Variants in TMC1 observed in about 807,000 individuals in gnomAD.
TMC1 encodes transmembrane channel-like protein 1.
Under a neutral mutation model 105.8 loss-of-function variants are expected in TMC1, and 84 were observed. That is an observed-to-expected ratio of 0.79 (90% confidence interval 0.67 to 0.95). TMC1 has a LOEUF of 0.95. Among genes scored for constraint, TMC1 ranks in the 40% least tolerant of loss-of-function variants. TMC1 has a pLI of 0.00. For missense variants in TMC1, 817 were observed against 914.1 expected (o/e 0.89, Z 1.37); for synonymous variants, 315 against 311.5 (o/e 1.01, Z -0.12).
In TMC1 at chr9:72,719,234, C is replaced by T. The variant is rs115524924; in HGVS notation, c.362+18591C>T. Among the ~76,000 whole-genome samples the T allele has an allele frequency of 3.3e-3, 500 of 152,296 alleles. 3 individuals carry two copies. The highest frequency in any genetic ancestry group is 0.011 in the African/African-American group (464 of 41,564). ...ACTTCACATTTGGTTGGAATCGTTA[C>T]AGAGTTCAGCTGGAGGTTTCCTTCT... On this transcript the variant is annotated intron_variant, in intron 8 of 23. Transcript: ENST00000297784.
chr9:72,833,332 C>T (rs1365393663), intron 23 of TMC1, among the ~76,000 whole-genome samples: 1 of 152,084 alleles, frequency 6.6e-6, no homozygotes, highest in African/African-American at 2.4e-5. Context: ...CATTTAATTT[C>T]CAAATCTCTG....
intron 8 of TMC1, among the ~76,000 whole-genome samples, chr9:72,716,170 G>T (rs1826915474): frequency 6.6e-6 from 1 of 152,232 alleles, no homozygotes; most frequent in Non-Finnish European, 1.5e-5. Context: ...ATACCAGCCA[G>T]AGCTCTCCTG....
intron 4 of TMC1, among the ~76,000 whole-genome samples, chr9:72,647,001 G>A (rs1825723952): frequency 6.6e-6 from 1 of 151,874 alleles, no homozygotes; most frequent in East Asian, 1.9e-4. Context: ...AATTAGCCCG[G>A]TGTGGTGGCG....
intron 13 of TMC1, among the ~76,000 whole-genome samples, chr9:72,783,168 A>G (rs1338302546): frequency 1.3e-5 from 2 of 152,080 alleles, no homozygotes; most frequent in Non-Finnish European, 2.9e-5. Context: ...ATATATATAT[A>G]TGGGAGCTTA....
At chr9:72,570,417 A>AC (rs1249350344) in intron 1 of TMC1, among the ~76,000 whole-genome samples, 1 of 151,738 alleles carries the variant, frequency 6.6e-6, no homozygotes, top group East Asian at 1.9e-4. Flanking sequence ...AGAAAAAAAA[A>AC]CTCTGAAATA....
intron 7 of TMC1, among the ~76,000 whole-genome samples, chr9:72,698,286 T>C (rs1826585931): frequency 6.6e-6 from 1 of 152,202 alleles, no homozygotes; most frequent in Non-Finnish European, 1.5e-5. Flanking sequence ...GAAGTGTTAT[T>C]TTAAAGGGTT....
chr9:72,600,144 A>T (rs1824783361), intron 2 of TMC1, among the ~76,000 whole-genome samples: 1 of 152,220 alleles, frequency 6.6e-6, no homozygotes, highest in Admixed American at 6.5e-5. Flanking sequence ...GCATGATTAC[A>T]AGTGCACTTT....
At chr9:72,701,442 G>A (rs1423066030) in intron 8 of TMC1, among the ~76,000 whole-genome samples, 1 of 152,150 alleles carries the variant, frequency 6.6e-6, no homozygotes, top group African/African-American at 2.4e-5. Flanking sequence ...AGGAGGAAAG[G>A]GCAGGGAAAA....
intron 19 of TMC1, among the ~76,000 whole-genome samples, chr9:72,819,896 A>G (rs1336587243): frequency 6.6e-6 from 1 of 152,198 alleles, no homozygotes; most frequent in Non-Finnish European, 1.5e-5. Flanking sequence ...ATAAATTGCT[A>G]TTTATATTGA....
chr9:72,830,554 A>C, intron 22 of TMC1, 25 bp downstream of exon 22: 1 of 1,605,554 alleles, frequency 6.2e-7, no homozygotes, highest in Non-Finnish European at 8.5e-7. Context: ...ATTTCATAGA[A>C]ATATTATCTT....
intron 8 of TMC1, among the ~76,000 whole-genome samples, chr9:72,703,002 G>A (rs1247587006): frequency 2.0e-5 from 3 of 151,912 alleles, no homozygotes; most frequent in Non-Finnish European, 4.4e-5. Flanking sequence ...TGGCCCACAT[G>A]TGTTTTGTTT....
At chr9:72,829,538 A>C (rs1047217413) in intron 21 of TMC1, among the ~76,000 whole-genome samples, 5 of 152,100 alleles carry the variant, frequency 3.3e-5, no homozygotes, top group Admixed American at 3.3e-4. Flanking sequence ...TTGAGCACCT[A>C]TTTCATGCCA....
chr9:72,806,480 C>A (rs1420978624), intron 18 of TMC1, among the ~76,000 whole-genome samples: 1 of 150,598 alleles, frequency 6.6e-6, no homozygotes, highest in African/African-American at 2.5e-5. Flanking sequence ...GGCTGCCGGG[C>A]GGAGAGGCTC....
intron 8 of TMC1, among the ~76,000 whole-genome samples, chr9:72,708,673 T>G (rs1826784974): frequency 6.6e-6 from 1 of 151,992 alleles, no homozygotes; most frequent in South Asian, 2.1e-4. Context: ...TTTGGAGGAG[T>G]CTTCAGGGTT....
rs1828220524 is a variant in TMC1 at position 72,789,169 on chromosome 9, A to G, written c.1076A>G (p.His359Arg). 1 of 1,613,500 alleles carries G rather than the reference A, an allele frequency of 6.2e-7. No homozygotes were observed. Among genetic ancestry groups the G allele is most frequent in the East Asian group, 2.2e-5 (1 of 44,866 alleles). The change falls in exon 15 of 24, where the codon CAC becomes CGC. Residue 359 changes from histidine (H) to arginine (R), a missense_variant. Coordinates refer to ENST00000297784, the MANE Select transcript of TMC1 (RefSeq NM_138691.3). ...GCAGCCCAAGTAGAAGAAAACGTCC[A>G]CTTGATCAGATTCCTGAGGTTTCTG... ...EKAAQVEENV[H>R]LIRFLRFLAN...
chr9:72,539,249 A>AAAAC (rs1419703949), intron 1 of TMC1, among the ~76,000 whole-genome samples: 1 of 151,892 alleles, frequency 6.6e-6, no homozygotes. Flanking sequence ...CAACAACAAA[A>AAAAC]AAACAAATCA....
intron 8 of TMC1, among the ~76,000 whole-genome samples, chr9:72,730,009 C>A (rs1827182739): frequency 1.3e-5 from 2 of 152,122 alleles, no homozygotes; most frequent in Non-Finnish European, 2.9e-5. Flanking sequence ...ATCTCTTCAC[C>A]CTCCTGGCTT....
In TMC1 at chr9:72,616,466, A is replaced by T. The variant is rs902679718; in HGVS notation, c.-207A>T. On this transcript the variant is annotated 5_prime_UTR_variant, in exon 3 of 24. Coordinates refer to ENST00000297784, the MANE Select transcript of TMC1 (RefSeq NM_138691.3). ...CTGTTTACTAGACATGAAATGGGGAAATCTAAAATGAGTAAGTATACACAG... is the reference window on the plus strand; with the variant it reads ...CTGTTTACTAGACATGAAATGGGGATATCTAAAATGAGTAAGTATACACAG... The T allele has an allele frequency of 2.6e-5, 4 of 151,934 alleles. No homozygotes were observed. Among genetic ancestry groups the T allele is most frequent in the Non-Finnish European group, 5.9e-5 (4 of 67,998 alleles). 9.4% of individuals were successfully genotyped at this position (151,934 alleles called of 1,614,324 possible).
At chr9:72,664,201 T>C (rs1262639697) in intron 5 of TMC1, among the ~76,000 whole-genome samples, 1 of 152,234 alleles carries the variant, frequency 6.6e-6, no homozygotes, top group East Asian at 1.9e-4. Flanking sequence ...TTATTATCAT[T>C]ATCAAGTATT....
Sources: allele counts gnomAD v4.1 joint callset (sites outside exome capture counted in the v4.1 genomes callset), GRCh38; gene constraint gnomAD v4.1.1; transcripts MANE v1.5; gene names NCBI Gene and HGNC (gene_info 2026-07-23, HGNC 2026-07-21).